CFAP47: variants seen among roughly 807,000 people sequenced by gnomAD.
The protein encoded by CFAP47 is cilia- and flagella-associated protein 47.
Under a neutral mutation model 148.1 loss-of-function variants are expected in CFAP47, and 29 were observed. The ratio of observed to expected loss-of-function variants is 0.20; its 90% CI spans 0.15 to 0.27. CFAP47 has a LOEUF of 0.27. Ranked by LOEUF, CFAP47 falls within the 10% of genes least tolerant of loss-of-function variation. The probability of loss-of-function intolerance (pLI) is 1.00; values close to 1 mark genes in which losing one functional copy is unlikely to be tolerated. For synonymous variants in CFAP47, 664 were observed against 577.3 expected, an observed-to-expected ratio of 1.15 and a Z score of -2.15; for missense variants, 1,872 against 1,697.5, an observed-to-expected ratio of 1.10 and a Z score of -1.81.
intron 25 of CFAP47, among the ~76,000 whole-genome samples, chrX:36,044,835 C>T (rs1191115454): frequency 1.8e-5 from 2 of 112,147 alleles, no homozygotes; most frequent in Non-Finnish European, 3.8e-5. Context: ...ACAGCAATGC[C>T]CCACTACCTT....
rs149876479 is a variant in CFAP47, at chrX:36,218,540, G to C, written c.6818-10088G>C. Among the ~76,000 whole-genome samples the C allele has an allele frequency of 5.2e-3, 584 of 111,873 alleles. 6 individuals are homozygous for C. The highest frequency in any genetic ancestry group is 0.018 in the African/African-American group (560 of 30,869). On this transcript the variant is annotated intron_variant, in intron 45 of 63. Coordinates refer to ENST00000378653, the MANE Select transcript of CFAP47 (RefSeq NM_001304548.2). The stretch of plus-strand genomic sequence containing the variant: ...CAATAATGTATAGAATCTCACATGA[G>C]ATCTGGTAGTAGTGGTGGCAGAGAT...
chrX:36,366,986 T>C lies in CFAP47; in HGVS notation c.9044T>C (p.Ile3015Thr), dbSNP rs782516337. Residue 3015 changes from isoleucine (I) to threonine (T), a missense_variant, in exon 62 of 64, where the codon ATA (isoleucine) becomes ACA (threonine). Physicochemically the swap from Ile to Thr is moderately conservative, Grantham distance 89 (BLOSUM62 -1). Coordinates refer to ENST00000378653, the MANE Select transcript of CFAP47 (RefSeq NM_001304548.2). ...KPLRSHITLK[I>T]ECVTEGIWKF... ...TCAAGGTCTCACATAACACTGAAAA[T>C]AGAGTGCGTAACAGAAGGGATCTGG... 2.1e-4 allele frequency: 245 copies of C among 1,142,378 alleles called. No individual in the cohort carries two copies. Among genetic ancestry groups the C allele is most frequent in the Non-Finnish European group, 2.7e-4 (235 of 860,057 alleles). The allele number at this position is 1,142,378 out of a possible 1,213,427, so 94.1% of individuals were successfully genotyped here. A position where few individuals can be genotyped will look rare whatever the true frequency, so the allele number is the denominator to read the frequency against.
intron 58 of CFAP47, among the ~76,000 whole-genome samples, chrX:36,348,990 C>T: frequency 9.0e-6 from 1 of 111,080 alleles, no homozygotes; most frequent in Middle Eastern, 4.6e-3. Context: ...TCCATTCTAC[C>T]ATGCATTTTC....
chrX:36,067,016 C>T (rs937926030), intron 27 of CFAP47, among the ~76,000 whole-genome samples: 38 of 112,110 alleles, frequency 3.4e-4, no homozygotes, highest in African/African-American at 1.2e-3. Flanking sequence ...TGACTATTCT[C>T]TTTCTCCATC....
intron 32 of CFAP47, among the ~76,000 whole-genome samples, chrX:36,101,094 A>T (rs1258261382): frequency 1.8e-5 from 2 of 111,244 alleles, no homozygotes; most frequent in Admixed American, 1.9e-4. Flanking sequence ...GCTGAATGTA[A>T]GAAGAGTATT....
At chrX:36,156,899 A>G (rs931705232) in intron 37 of CFAP47, among the ~76,000 whole-genome samples, 1 of 111,347 alleles carries the variant, frequency 9.0e-6, no homozygotes, top group Non-Finnish European at 1.9e-5. Flanking sequence ...CATAAAAAGG[A>G]TACTCTATTT....
chrX:36,194,022 A>G (rs1176059922), intron 42 of CFAP47, among the ~76,000 whole-genome samples: 1 of 111,439 alleles, frequency 9.0e-6, no homozygotes, highest in Admixed American at 9.6e-5. Context: ...AGTAATTGCT[A>G]TTTTCCAAAA....
intron 30 of CFAP47, among the ~76,000 whole-genome samples, chrX:36,090,309 T>C (rs947426511): frequency 8.9e-6 from 1 of 111,974 alleles, no homozygotes; most frequent in African/African-American, 3.2e-5. Flanking sequence ...TCTGAAAATA[T>C]AATAAATATT....
chrX:36,371,699 C>T (rs868916194), intron 62 of CFAP47, among the ~76,000 whole-genome samples: 2 of 56,671 alleles, frequency 3.5e-5, no homozygotes, highest in East Asian at 7.1e-4. Context: ...TATATACACA[C>T]ATGTGTATAT....
Position 36,223,242 on chromosome X carries a change from A to G in CFAP47, c.6818-5386A>G, listed in dbSNP as rs781994588. Reference sequence around the variant, plus strand: ...TTAGTTAAATAAATTTCCCAGTCTCAGGTATTTCTTTATAGCAATGCGAGA... The same window carrying G: ...TTAGTTAAATAAATTTCCCAGTCTCGGGTATTTCTTTATAGCAATGCGAGA... On this transcript the variant is annotated intron_variant, in intron 45 of 63. Transcript: ENST00000378653. Among the ~76,000 whole-genome samples the G allele has an allele frequency of 4.5e-5, 5 of 110,710 alleles. No homozygotes were observed. In the South Asian group the frequency reaches 1.9e-3, roughly 42 times the overall value.
At chrX:36,263,860 A>T (rs1485646995) in intron 49 of CFAP47, among the ~76,000 whole-genome samples, 1 of 112,015 alleles carries the variant, frequency 8.9e-6, no homozygotes, top group Admixed American at 9.4e-5. Flanking sequence ...ACAACTGGTG[A>T]TGTGCTGAGT....
intron 49 of CFAP47, among the ~76,000 whole-genome samples, chrX:36,251,965 G>A (rs16987423): frequency 0.056 from 6,232 of 110,843 alleles, 154 homozygotes; most frequent in Middle Eastern, 0.13. Context: ...CATGGGAATC[G>A]GAGGGAGAGG....
At chrX:36,291,428 T>C (rs1261159988) in intron 51 of CFAP47, among the ~76,000 whole-genome samples, 1 of 110,799 alleles carries the variant, frequency 9.0e-6, no homozygotes, top group African/African-American at 3.3e-5. Flanking sequence ...GTATATTAAT[T>C]AGTTGAAATC....
intron 58 of CFAP47, 51 bp downstream of exon 58, chrX:36,348,339 A>G: frequency 1.4e-6 from 1 of 700,027 alleles, no homozygotes. Flanking sequence ...TTTGACAGCC[A>G]CTGACATGCT....
chrX:36,076,984 T>C (rs761470250), intron 29 of CFAP47, among the ~76,000 whole-genome samples: 9 of 110,748 alleles, frequency 8.1e-5, no homozygotes, highest in South Asian at 3.8e-4. Flanking sequence ...GTATCATTTA[T>C]TGAATACAGA....
chrX:36,347,087 A>G (rs1446985555), intron 57 of CFAP47, among the ~76,000 whole-genome samples: 1 of 112,235 alleles, frequency 8.9e-6, no homozygotes, highest in Non-Finnish European at 1.9e-5. Flanking sequence ...CAAATTTATA[A>G]GAAAAAAACA....
At chrX:36,003,967 C>CTTTTT (rs761024902) in intron 21 of CFAP47, among the ~76,000 whole-genome samples, 34 of 66,347 alleles carry the variant, frequency 5.1e-4, no homozygotes, top group Non-Finnish European at 5.8e-4. Context: ...CTTTCTTTTT[C>CTTTTT]TTTTTTTTTT....
chrX:35,967,721 C>G lies in CFAP47; in HGVS notation c.1703C>G (p.Thr568Arg). ...GTAGCAATGCTTCAATCAGCCATGA[C>G]ACGCACTCACAATCATCGCTCATGT... ...APVAMLQSAM[T>R]RTHNHRSCEE... is the part of the protein sequence containing the mutation. Residue 568 changes from threonine (T) to arginine (R), a missense_variant, in exon 10 of 64, where the codon ACA (threonine) becomes AGA (arginine). Physicochemically the swap from Thr to Arg is moderately conservative, Grantham distance 71 (BLOSUM62 -1). Coordinates refer to ENST00000378653, the MANE Select transcript of CFAP47 (RefSeq NM_001304548.2). 1.7e-6 allele frequency: 2 copies of G among 1,208,426 alleles called. No individual in the cohort carries two copies. The highest frequency in any genetic ancestry group is 2.2e-6 in the Non-Finnish European group (2 of 893,010).
chrX:36,337,017 C>T (rs1004634331), intron 57 of CFAP47, among the ~76,000 whole-genome samples: 4 of 111,991 alleles, frequency 3.6e-5, no homozygotes, highest in Non-Finnish European at 7.5e-5. Flanking sequence ...CAATTTTCCA[C>T]CCAACTTAGC....
Sources: allele counts gnomAD v4.1 joint callset (sites outside exome capture counted in the v4.1 genomes callset), GRCh38; gene constraint gnomAD v4.1.1; transcripts MANE v1.5; gene names NCBI Gene and HGNC (gene_info 2026-07-23, HGNC 2026-07-21).